Variants in ONECUT3 observed in about 807,000 individuals in gnomAD.
ONECUT3 encodes the protein one cut homeobox 3, also known as one cut domain family member 3.
A neutral mutation model predicts 16.8 loss-of-function variants in ONECUT3; 11 were observed. The ratio of observed to expected loss-of-function variants is 0.66; its 90% CI spans 0.41 to 1.09. The LOEUF is 1.09. Ranked by LOEUF, ONECUT3 falls within the 50% of genes least tolerant of loss-of-function variation. ONECUT3 has a pLI of 0.00. For synonymous variants in ONECUT3, 344 were observed against 310.7 expected, an observed-to-expected ratio of 1.11 and a Z score of -1.13; for missense variants, 637 against 629.9, an observed-to-expected ratio of 1.01 and a Z score of -0.12.
intron 1 of ONECUT3, among the ~76,000 whole-genome samples, chr19:1,763,393 A>AAAAAAAAAAAAAAAAAAAAAAAAG (rs2067957930): frequency 7.1e-6 from 1 of 139,920 alleles, no homozygotes; most frequent in African/African-American, 2.8e-5. Flanking sequence ...AAAAAAAAAA[A>AAAAAAAAAAAAAAAAAAAAAAAAG]AAATTAGCCA....
chr19:1,777,578 T>C lies in ONECUT3; in HGVS notation c.*2133T>C, dbSNP rs2068121995. 1 of 152,176 alleles carries C rather than the reference T, an allele frequency of 6.6e-6. No individual in the cohort carries two copies. The highest frequency in any genetic ancestry group is 1.5e-5 in the Non-Finnish European group (1 of 68,068). The allele number at this position is 152,176 out of a possible 1,614,324, so 9.4% of individuals were successfully genotyped here. ...ACTAAAACCTGGGCCTTAATTTCTC[T>C]CCCGTCCCCACCCCTAAATTCCTGA... On this transcript the variant is annotated 3_prime_UTR_variant, in exon 2 of 2. Transcript: ENST00000382349.
chr19:1,773,971 G>A (rs534421182), intron 1 of ONECUT3, among the ~76,000 whole-genome samples: 85 of 152,338 alleles, frequency 5.6e-4, no homozygotes, highest in African/African-American at 2.0e-3. Flanking sequence ...TGGTCTGCAG[G>A]CCATGGGGCA....
At position 1,758,774 on chromosome 19, in the gene ONECUT3, G is replaced by A. The variant is rs1337793293; in HGVS notation, c.1192+3920G>A. 2.6e-5 allele frequency among the ~76,000 whole-genome samples: 4 copies of A among 151,976 alleles called. No individual in the cohort carries two copies. The highest frequency in any genetic ancestry group is 5.9e-5 in the Non-Finnish European group (4 of 67,976). On this transcript the variant is annotated intron_variant, in intron 1 of 1. Coordinates refer to ENST00000382349, the MANE Select transcript of ONECUT3 (RefSeq NM_001080488.2). This position sits in a 1 kb window ranked among gnomAD's most constrained non-coding sequence, Gnocchi z 5.9. ...TTATGGGAGAGGGGCTGGGGGAGGG[G>A]CGGGCGGGCTCCTCGGCGGGGGTGG...
intron 1 of ONECUT3, among the ~76,000 whole-genome samples, chr19:1,772,894 A>G (rs1329605138): frequency 5.8e-5 from 8 of 138,098 alleles, no homozygotes; most frequent in Admixed American, 2.2e-4. Flanking sequence ...TAGTAGAGAC[A>G]GGGTTTCACC....
intron 1 of ONECUT3, among the ~76,000 whole-genome samples, chr19:1,773,035 C>T (rs1312630852): frequency 2.6e-5 from 4 of 152,072 alleles, no homozygotes; most frequent in African/African-American, 9.7e-5. Flanking sequence ...CCAGTCCTTA[C>T]ATGGAATTAT....
chr19:1,770,998 C>T (rs567126068), intron 1 of ONECUT3, among the ~76,000 whole-genome samples: 102 of 152,334 alleles, frequency 6.7e-4, no homozygotes, highest in African/African-American at 2.2e-3. Flanking sequence ...CATTATTACG[C>T]TTTTGGAAAA....
chr19:1,774,848 A>G (rs1015942256), intron 1 of ONECUT3, among the ~76,000 whole-genome samples: 5 of 114,744 alleles, frequency 4.4e-5, no homozygotes, highest in Non-Finnish European at 8.7e-5. Flanking sequence ...CTCGCCTTCC[A>G]TTCTGTCTCC....
chr19:1,778,910 A>ACC lies in ONECUT3; in HGVS notation c.*3466_*3467insCC, dbSNP rs2068133982. On this transcript the variant is annotated 3_prime_UTR_variant, in exon 2 of 2. Coordinates refer to ENST00000382349, the MANE Select transcript of ONECUT3 (RefSeq NM_001080488.2). ...CACACACACACACACACACACACAC[A>ACC]CACCCCTACCTGTTTCCGGACCCCA... 1.6e-5 allele frequency: 2 copies of ACC among 127,286 alleles called. No homozygotes were observed. The highest frequency in any genetic ancestry group is 6.1e-5 in the African/African-American group (2 of 32,600). 7.9% of individuals were successfully genotyped at this position (127,286 alleles called of 1,614,324 possible). A position where few individuals can be genotyped will look rare whatever the true frequency, so the allele number is the denominator to read the frequency against.
intron 1 of ONECUT3, among the ~76,000 whole-genome samples, chr19:1,768,865 G>A (rs942706090): frequency 2.6e-5 from 4 of 152,076 alleles, no homozygotes; most frequent in Admixed American, 6.5e-5. Flanking sequence ...CGATGGAGGA[G>A]GTGGCGGAGG....
Position 1,763,986 on chromosome 19 carries a change from T to C in ONECUT3, c.1192+9132T>C, listed in dbSNP as rs2067963477. Among the ~76,000 whole-genome samples the C allele has an allele frequency of 2.0e-5, 3 of 152,170 alleles. No homozygotes were observed. In the South Asian group the frequency reaches 6.2e-4, roughly 32 times the overall value. ...GGATCATTTTACGAGTGTGAGTTTA[T>C]CTGTGGATTAATTTCCCAATAATTG... On this transcript the variant is annotated intron_variant, in intron 1 of 1. Coordinates refer to ENST00000382349, the MANE Select transcript of ONECUT3 (RefSeq NM_001080488.2).
intron 1 of ONECUT3, among the ~76,000 whole-genome samples, chr19:1,761,088 T>C (rs1025534949): frequency 6.8e-6 from 1 of 147,038 alleles, no homozygotes; most frequent in African/African-American, 2.5e-5. Flanking sequence ...GTTTTGCTCT[T>C]GTCGTCCAGG....
chr19:1,764,119 C>A lies in ONECUT3; in HGVS notation c.1192+9265C>A, dbSNP rs544868876. Among the ~76,000 whole-genome samples, 2 of 152,338 alleles carry A rather than the reference C, an allele frequency of 1.3e-5. No homozygotes were observed. Among genetic ancestry groups the A allele is most frequent in the African/African-American group, 2.4e-5 (1 of 41,582 alleles). On this transcript the variant is annotated intron_variant, in intron 1 of 1. Transcript: ENST00000382349. The surrounding 1 kb of genome is among the most constrained non-coding windows in gnomAD (Gnocchi z 5.0). ...TTTCAAATCCATTTCCCACTGCAGGCGCTGTGTCTCCGTAACATTTTTTTT... is the reference window on the plus strand; with the variant it reads ...TTTCAAATCCATTTCCCACTGCAGGAGCTGTGTCTCCGTAACATTTTTTTT...
At chr19:1,767,786 C>A (rs2068006705) in intron 1 of ONECUT3, among the ~76,000 whole-genome samples, 2 of 152,322 alleles carry the variant, frequency 1.3e-5, no homozygotes, top group East Asian at 3.9e-4. Flanking sequence ...TGCCCTGGGG[C>A]GGGAGGCTGG....
At chr19:1,772,757 G>T (rs2068067592) in intron 1 of ONECUT3, among the ~76,000 whole-genome samples, 1 of 127,144 alleles carries the variant, frequency 7.9e-6, no homozygotes, top group African/African-American at 3.0e-5. Context: ...GCAATGGCAC[G>T]ATCTTGGCTC....
rs2068127293 is a variant in ONECUT3 at position 1,778,090 on chromosome 19, A to G, written c.*2645A>G. The G allele has an allele frequency of 6.6e-6, 1 of 151,346 alleles. No individual in the cohort carries two copies. Among genetic ancestry groups the G allele is most frequent in the Non-Finnish European group, 1.5e-5 (1 of 67,948 alleles). 9.4% of individuals were successfully genotyped at this position (151,346 alleles called of 1,614,324 possible). A position where few individuals can be genotyped will look rare whatever the true frequency, so the allele number is the denominator to read the frequency against. On this transcript the variant is annotated 3_prime_UTR_variant, in exon 2 of 2. Transcript: ENST00000382349. ...GTCTTTATACCAAGGTAGCCTATAG[A>G]TATACAATGTTTTAAATTTCTTTTT...
intron 1 of ONECUT3, among the ~76,000 whole-genome samples, chr19:1,771,390 T>C (rs1233704309): frequency 6.6e-6 from 1 of 152,224 alleles, no homozygotes; most frequent in East Asian, 1.9e-4. Context: ...GGAAGTTAAG[T>C]TTTGGAGTCC....
Position 1,780,175 on chromosome 19 carries a change from T to TCCCCCCCCC in ONECUT3, c.*4738_*4739insCCCCCCCCC, listed in dbSNP as rs552653663. The TCCCCCCCCC allele has an allele frequency of 7.5e-6, 1 of 133,730 alleles. No individual in the cohort carries two copies. Among genetic ancestry groups the TCCCCCCCCC allele is most frequent in the African/African-American group, 2.8e-5 (1 of 35,652 alleles). The allele number at this position is 133,730 out of a possible 1,614,324, so 8.3% of individuals were successfully genotyped here. A position where few individuals can be genotyped will look rare whatever the true frequency, so the allele number is the denominator to read the frequency against. The stretch of plus-strand genomic sequence containing the variant: ...CCCAACAGCAGGCACCAGCACCCCC[T>TCCCCCCCCC]CCCCCCCCACCTCCACCCAGACAGC... On this transcript the variant is annotated 3_prime_UTR_variant, in exon 2 of 2. Coordinates refer to ENST00000382349, the MANE Select transcript of ONECUT3 (RefSeq NM_001080488.2).
chr19:1,758,832 A>G lies in ONECUT3; in HGVS notation c.1192+3978A>G, dbSNP rs546807823. On this transcript the variant is annotated intron_variant, in intron 1 of 1. Coordinates refer to ENST00000382349, the MANE Select transcript of ONECUT3 (RefSeq NM_001080488.2). This position sits in a 1 kb window ranked among gnomAD's most constrained non-coding sequence, Gnocchi z 5.9. Reference sequence around the variant, plus strand: ...CGATGAATTCGAATTACCGTCTCTAATTCATCACCGTCGCCGGGTCGATAG... The same window carrying G: ...CGATGAATTCGAATTACCGTCTCTAGTTCATCACCGTCGCCGGGTCGATAG... Among the ~76,000 whole-genome samples, 543 of 152,312 alleles carry G rather than the reference A, an allele frequency of 3.6e-3. 8 individuals carry two copies. Among genetic ancestry groups the G allele is most frequent in the South Asian group, 0.031 (152 of 4,826 alleles).
intron 1 of ONECUT3, among the ~76,000 whole-genome samples, chr19:1,768,839 G>A (rs2068018645): frequency 6.7e-6 from 1 of 149,728 alleles, no homozygotes; most frequent in Non-Finnish European, 1.5e-5. Context: ...GTGGTGATGG[G>A]GGTGGAAGGT....
Sources: gnomAD v4.1 joint callset for allele counts (sites outside exome capture counted in the v4.1 genomes callset) on GRCh38, gnomAD v4.1.1 for gene constraint, Gnocchi (gnomAD v3.1) non-coding constraint, MANE v1.5 for transcripts, NCBI Gene and HGNC (gene_info 2026-07-23, HGNC 2026-07-21) for gene names.